The following DDR2 variants were observed in gnomAD, a reference collection of about 807,000 sequenced individuals.
The protein encoded by DDR2 is discoidin domain-containing receptor 2.
A neutral mutation model predicts 94.9 loss-of-function variants in DDR2; 27 were observed. The ratio of observed to expected loss-of-function variants is 0.28; its 90% CI spans 0.21 to 0.39. The LOEUF (loss-of-function observed/expected upper bound fraction) is 0.39, where lower values mean the gene tolerates loss of function less well. Among genes scored for constraint, DDR2 ranks in the 10% least tolerant of loss-of-function variants. The pLI is 1.00. For missense variants in DDR2, 783 were observed against 1,076.0 expected, an observed-to-expected ratio of 0.73 and a Z score of 3.81; for synonymous variants, 382 against 377.2, an observed-to-expected ratio of 1.01 and a Z score of -0.15.
At chr1:162,701,083 A>AAAAGC (rs1429544947) in intron 2 of DDR2, among the ~76,000 whole-genome samples, 11 of 152,120 alleles carry the variant, frequency 7.2e-5, no homozygotes, top group African/African-American at 2.4e-4. Context: ...GAAAAAAAAA[A>AAAAGC]AAAGCAGCGG....
chr1:162,719,997 C>T (rs1159357152), intron 3 of DDR2, among the ~76,000 whole-genome samples: 3 of 152,138 alleles, frequency 2.0e-5, no homozygotes, highest in African/African-American at 7.2e-5. Flanking sequence ...AGCCAGAATA[C>T]TCAAACATTT....
chr1:162,707,642 CAAGAAAAAAAG>C lies in DDR2; in HGVS notation c.-27-11393_-27-11383del, dbSNP rs1660720677. Among the ~76,000 whole-genome samples the C allele has an allele frequency of 6.6e-5, 10 of 152,160 alleles. No individual in the cohort carries two copies. In the South Asian group the frequency reaches 2.1e-3, roughly 32 times the overall value. On this transcript the variant is annotated intron_variant, in intron 2 of 17. Transcript: ENST00000367921. ...GCTAGTCATGTAAATCTCCTCCTGG[CAAGAAAAAAAG>C]ACTGACTTTTTGTTGTTGTTGTGTT...
chr1:162,688,888 C>T (rs781540339), intron 2 of DDR2, among the ~76,000 whole-genome samples: 14 of 152,192 alleles, frequency 9.2e-5, no homozygotes, highest in South Asian at 2.1e-4. Flanking sequence ...GCTGTGGGGC[C>T]GGCCTTCCTG....
chr1:162,720,522 T>G (rs1661374143), intron 3 of DDR2, among the ~76,000 whole-genome samples: 1 of 152,122 alleles, frequency 6.6e-6, no homozygotes, highest in African/African-American at 2.4e-5. Context: ...GTATATTACT[T>G]TGTTTGAACA....
In DDR2 at chr1:162,673,604, T is replaced by TGAGA. The variant is rs1231851857; in HGVS notation, c.-28+18231_-28+18232insAGAG. Among the ~76,000 whole-genome samples, 10 of 127,664 alleles carry TGAGA rather than the reference T, an allele frequency of 7.8e-5. No individual in the cohort carries two copies. In the East Asian group the frequency reaches 1.6e-3, roughly 21 times the overall value. The allele number at this position is 127,664 out of a possible 152,430, so 83.8% of individuals were successfully genotyped here. On this transcript the variant is annotated intron_variant, in intron 2 of 17. Coordinates refer to ENST00000367921, the MANE Select transcript of DDR2 (RefSeq NM_006182.4). The stretch of plus-strand genomic sequence containing the variant: ...GCGTGTGTGTGTGTGTATGTGTGTG[T>TGAGA]GTGTGAGAGAGAGAGAGAGAGAGAG...
chr1:162,657,898 C>T (rs970954299), intron 2 of DDR2, among the ~76,000 whole-genome samples: 3 of 151,982 alleles, frequency 2.0e-5, no homozygotes, highest in Non-Finnish European at 4.4e-5. Context: ...TCCCTTCCAA[C>T]GCCCCCACCT....
intron 2 of DDR2, among the ~76,000 whole-genome samples, chr1:162,704,627 G>A (rs1406638704): frequency 1.3e-5 from 2 of 152,188 alleles, no homozygotes; most frequent in Non-Finnish European, 2.9e-5. Flanking sequence ...TTCTCACTGT[G>A]TCCTCACATG....
chr1:162,656,833 G>GTTATTTTTT (rs1657990644), intron 2 of DDR2, among the ~76,000 whole-genome samples: 1 of 65,682 alleles, frequency 1.5e-5, no homozygotes, highest in Non-Finnish European at 3.0e-5. Flanking sequence ...TGCCACTGGA[G>GTTATTTTTT]TTTTTTTTTT....
At position 162,747,233 on chromosome 1, in the gene DDR2, AG is replaced by A. The variant is rs561976731; in HGVS notation, c.83-5860del. Among the ~76,000 whole-genome samples the A allele has an allele frequency of 4.0e-3, 609 of 152,338 alleles. 1 individual carries two copies. The highest frequency in any genetic ancestry group is 6.7e-3 in the Non-Finnish European group (454 of 68,030). ...AACAAACTTCTCCAAGGAAGTTTGG[AG>A]GATGTTCAAACCCATCGCAAAGAAG... On this transcript the variant is annotated intron_variant, in intron 3 of 17. Coordinates refer to ENST00000367921, the MANE Select transcript of DDR2 (RefSeq NM_006182.4).
chr1:162,710,757 C>G (rs551090020), intron 2 of DDR2, among the ~76,000 whole-genome samples: 12 of 97,350 alleles, frequency 1.2e-4, no homozygotes, highest in South Asian at 7.9e-4. Flanking sequence ...GTGCCACACA[C>G]AGTCATGCAC....
chr1:162,773,888 T>C (rs1647370423), intron 14 of DDR2, among the ~76,000 whole-genome samples: 1 of 152,172 alleles, frequency 6.6e-6, no homozygotes, highest in African/African-American at 2.4e-5. Flanking sequence ...TGTCTAAATG[T>C]GTACTTCTTT....
At chr1:162,768,667 G>C (rs994885598) in intron 11 of DDR2, among the ~76,000 whole-genome samples, 1 of 152,202 alleles carries the variant, frequency 6.6e-6, no homozygotes, top group African/African-American at 2.4e-5. Context: ...CTTCTGATCT[G>C]TGCCACCCTC....
At chr1:162,643,445 T>C (rs1463839682) in intron 1 of DDR2, among the ~76,000 whole-genome samples, 3 of 152,146 alleles carry the variant, frequency 2.0e-5, no homozygotes, top group Middle Eastern at 3.2e-3. Flanking sequence ...AGAAGTAATA[T>C]AGGAAAGAAG....
chr1:162,754,127 C>G (rs1490844211), intron 4 of DDR2, among the ~76,000 whole-genome samples: 2 of 152,114 alleles, frequency 1.3e-5, no homozygotes, highest in East Asian at 3.9e-4. Context: ...ATGCTCTTCC[C>G]CCTCATCCTC....
rs1393105687 is a variant in DDR2, at chr1:162,632,492, G to C, written c.-331G>C. On this transcript the variant is annotated 5_prime_UTR_variant, in exon 1 of 18. An upstream start codon of the reference 5' UTR is lost. Transcript: ENST00000367921. ...AGGCATCTTGCATCAGCCTGTGGAT[G>C]TATGCCTACCACCGGGCTCCTTCAC... is the stretch of plus-strand genomic sequence containing the variant. 1 of 152,162 alleles carries C rather than the reference G, an allele frequency of 6.6e-6. No individual in the cohort carries two copies. The highest frequency in any genetic ancestry group is 1.5e-5 in the Non-Finnish European group (1 of 68,028). The allele number at this position is 152,162 out of a possible 1,614,324, so 9.4% of individuals were successfully genotyped here. A position where few individuals can be genotyped will look rare whatever the true frequency, so the allele number is the denominator to read the frequency against.
rs1048995630 is a variant in DDR2, at chr1:162,783,114, C to A, written c.*2868C>A. 6.6e-6 allele frequency: 1 copy of A among 152,088 alleles called. No individual in the cohort carries two copies. The highest frequency in any genetic ancestry group is 2.4e-5 in the African/African-American group (1 of 41,406). 9.4% of individuals were successfully genotyped at this position (152,088 alleles called of 1,614,324 possible). Reference sequence around the variant, plus strand: ...AAAAAAATGATCAGAAACTGTGGGGCCTTATTACCTTTGCAGTAAGTTATC... The same window carrying A: ...AAAAAAATGATCAGAAACTGTGGGGACTTATTACCTTTGCAGTAAGTTATC... On this transcript the variant is annotated 3_prime_UTR_variant, in exon 18 of 18. Coordinates refer to ENST00000367921, the MANE Select transcript of DDR2 (RefSeq NM_006182.4).
chr1:162,766,307 T>C (rs1355219711), intron 10 of DDR2, among the ~76,000 whole-genome samples: 1 of 152,162 alleles, frequency 6.6e-6, no homozygotes, highest in Non-Finnish European at 1.5e-5. Context: ...AATTTCTCCA[T>C]GAAAGTTTGG....
At chr1:162,765,771 G>A (rs1475582348) in intron 9 of DDR2, among the ~76,000 whole-genome samples, 1 of 148,604 alleles carries the variant, frequency 6.7e-6, no homozygotes, top group Non-Finnish European at 1.5e-5. Flanking sequence ...TTGTACCATA[G>A]CATCTAGTAT....
intron 4 of DDR2, 51 bp from the exon 5 acceptor site, chr1:162,754,573 G>C (rs1234276937): frequency 6.3e-7 from 1 of 1,577,424 alleles, no homozygotes; most frequent in Non-Finnish European, 8.7e-7. Flanking sequence ...CCAGTAAACA[G>C]CTCTGTGGTT....
Sources: gnomAD v4.1 joint callset for allele counts (sites outside exome capture counted in the v4.1 genomes callset) on GRCh38, gnomAD v4.1.1 for gene constraint, MANE v1.5 for transcripts, NCBI Gene and HGNC (gene_info 2026-07-23, HGNC 2026-07-21) for gene names.